ACSM3: variants seen among roughly 807,000 people sequenced by gnomAD.
ACSM3 encodes acyl-coenzyme A synthetase ACSM3, mitochondrial.
Under a neutral mutation model 74.1 loss-of-function variants are expected in ACSM3, and 61 were observed. The ratio of observed to expected loss-of-function variants is 0.82; its 90% CI spans 0.67 to 1.02. The LOEUF (loss-of-function observed/expected upper bound fraction) is 1.02. Ranked by LOEUF, ACSM3 falls within the 50% of genes least tolerant of loss-of-function variation. The probability of loss-of-function intolerance (pLI) is 0.00; values close to 1 mark genes in which losing one functional copy is unlikely to be tolerated. For missense variants in ACSM3, 660 were observed against 697.0 expected (o/e 0.95, Z 0.60); for synonymous variants, 213 against 241.5 (o/e 0.88, Z 1.09).
chr16:20,726,235 T>C (rs538309950), intron 1 of ACSM3, among the ~76,000 whole-genome samples: 7 of 152,342 alleles, frequency 4.6e-5, no homozygotes, highest in African/African-American at 1.7e-4. Flanking sequence ...AAAGTTTGAC[T>C]TGAAGGTTAT....
chr16:20,769,433 A>G (rs2080164538), intron 1 of ACSM3, among the ~76,000 whole-genome samples: 1 of 152,244 alleles, frequency 6.6e-6, no homozygotes, highest in African/African-American at 2.4e-5. Context: ...GGGAACTGCA[A>G]CCTATCAACT....
At chr16:20,692,049 C>T (rs896697003) in intron 1 of ACSM3, among the ~76,000 whole-genome samples, 6 of 152,114 alleles carry the variant, frequency 3.9e-5, no homozygotes, top group Non-Finnish European at 2.9e-5. Context: ...TTCTGTAAGC[C>T]AAAAGATTCT....
At chr16:20,774,954 C>CA (rs975393843) in intron 2 of ACSM3, among the ~76,000 whole-genome samples, 1 of 152,242 alleles carries the variant, frequency 6.6e-6, no homozygotes, top group African/African-American at 2.4e-5. Context: ...TTCATGGCAG[C>CA]AGGCTCAGGA....
chr16:20,786,123 T>C lies in ACSM3; in HGVS notation c.1189T>C (p.Ser397Pro), dbSNP rs1257037480. Residue 397 changes from serine to proline, a missense_variant, in exon 9 of 14, where the codon TCA becomes CCA. By Grantham distance (74) the Ser-to-Pro change is moderately conservative (BLOSUM62 -1). Transcript: ENST00000289416. The part of the protein sequence containing the change: ...NFKGMKIKPG[S>P]MGKPSPAFDV... ...TAAGGGAATGAAAATTAAACCTGGC[T>C]CAATGGGAAAACCTTCTCCTGCTTT... 6.2e-7 allele frequency: 1 copy of C among 1,605,264 alleles called. No individual in the cohort carries two copies. Among genetic ancestry groups the C allele is most frequent in the Non-Finnish European group, 8.5e-7 (1 of 1,176,896 alleles).
intron 1 of ACSM3, chr16:20,737,121 G>C: frequency 6.2e-7 from 1 of 1,614,088 alleles, no homozygotes; most frequent in Non-Finnish European, 8.5e-7. Flanking sequence ...AAGCTGTGAC[G>C]GATCCTTAGG....
intron 2 of ACSM3, among the ~76,000 whole-genome samples, chr16:20,771,304 G>A (rs535080526): frequency 6.5e-4 from 96 of 148,492 alleles, no homozygotes; most frequent in African/African-American, 2.2e-3. Flanking sequence ...CAAGTGATCC[G>A]CCCACCTTGG....
intron 1 of ACSM3, chr16:20,737,213 G>A (rs1224266578): frequency 6.2e-7 from 1 of 1,614,164 alleles, no homozygotes. Context: ...CAGCTTTGAT[G>A]ATTTCTACTA....
chr16:20,739,926 CAGAG>C (rs1053507706), intron 1 of ACSM3, among the ~76,000 whole-genome samples: 6 of 152,012 alleles, frequency 3.9e-5, no homozygotes, highest in Admixed American at 2.0e-4. Context: ...CAGTTTGAGG[CAGAG>C]AGAAACGTGC....
At chr16:20,796,298 C>T in intron 12 of ACSM3, 72 bp from the exon 13 acceptor site, 1 of 1,561,540 alleles carries the variant, frequency 6.4e-7, no homozygotes, top group Non-Finnish European at 8.6e-7. Context: ...ATTCTCAGAG[C>T]AAGCAAACAA....
chr16:20,765,563 CCAAT>C (rs2080116926), intron 1 of ACSM3, among the ~76,000 whole-genome samples: 1 of 152,130 alleles, frequency 6.6e-6, no homozygotes, highest in South Asian at 2.1e-4. Context: ...ATATTTATCT[CCAAT>C]CATATTAATA....
rs1018083261 is a variant in ACSM3, at chr16:20,790,540, A to T, written c.1225-47A>T. The T allele has an allele frequency of 5.8e-6, 9 of 1,541,428 alleles. No homozygotes were observed. The highest frequency in any genetic ancestry group is 4.1e-5 in the African/African-American group (3 of 72,892). On this transcript the variant is annotated intron_variant, in intron 9 of 13. Coordinates refer to ENST00000289416, the MANE Select transcript of ACSM3 (RefSeq NM_005622.4). The surrounding 1 kb of genome is among the most constrained non-coding windows in gnomAD (Gnocchi z 4.0). The stretch of plus-strand genomic sequence containing the variant: ...TTGCAAAGTTAATATTTAAGCTGCG[A>T]CATTAAACAAAAATTTCCTTAAATA...
intron 1 of ACSM3, chr16:20,741,496 C>A: frequency 2.2e-6 from 3 of 1,365,370 alleles, no homozygotes; most frequent in East Asian, 3.2e-5. Context: ...CCCGCCCACC[C>A]CGGGACCGGT....
At chr16:20,682,364 A>G (rs2079464288) in intron 1 of ACSM3, 2 of 1,614,092 alleles carry the variant, frequency 1.2e-6, no homozygotes, top group Admixed American at 3.3e-5. Context: ...CTCTGAGGCA[A>G]GGGCATCTAT....
intron 1 of ACSM3, among the ~76,000 whole-genome samples, chr16:20,724,008 T>G (rs1438247164): frequency 6.6e-6 from 1 of 152,198 alleles, no homozygotes; most frequent in Non-Finnish European, 1.5e-5. Flanking sequence ...GCTTTTATGG[T>G]TTTAGGTCTA....
At chr16:20,793,693 G>C (rs1420622836) in intron 12 of ACSM3, among the ~76,000 whole-genome samples, 1 of 152,210 alleles carries the variant, frequency 6.6e-6, no homozygotes, top group African/African-American at 2.4e-5. Flanking sequence ...GCTATTTACT[G>C]TGAAAGGGTA....
At chr16:20,786,273 A>G in intron 9 of ACSM3, 115 bp downstream of exon 9, 2 of 1,449,302 alleles carry the variant, frequency 1.4e-6, no homozygotes, top group East Asian at 5.2e-5. Context: ...TTTTACTTCC[A>G]TGATACTTTA....
At chr16:20,698,408 G>A (rs1310586183) in intron 1 of ACSM3, among the ~76,000 whole-genome samples, 2 of 152,012 alleles carry the variant, frequency 1.3e-5, no homozygotes, top group Non-Finnish European at 2.9e-5. Flanking sequence ...GGGCTCTGGA[G>A]GTCTGGAGGC....
chr16:20,741,817 G>A lies in ACSM3; in HGVS notation c.-189-8093G>A, dbSNP rs549447999. 170 of 1,542,182 alleles carry A rather than the reference G, an allele frequency of 1.1e-4. 1 individual carries two copies. In the East Asian group the frequency reaches 2.3e-3, roughly 21 times the overall value. ...CCTCGTCTATCGCCGGCGCGAACTGGTGACGTCGGATATGAGCGACGGCCT... is the reference window on the plus strand; with the variant it reads ...CCTCGTCTATCGCCGGCGCGAACTGATGACGTCGGATATGAGCGACGGCCT... On this transcript the variant is annotated intron_variant, in intron 1 of 3. Transcript: ENST00000561584.
At chr16:20,682,490 T>C (rs776150427) in intron 1 of ACSM3, 7 of 1,592,692 alleles carry the variant, frequency 4.4e-6, no homozygotes, top group South Asian at 1.1e-5. Context: ...AACTGATTGT[T>C]TTGGTTTCTT....
Sources: gnomAD v4.1 joint callset for allele counts (sites outside exome capture counted in the v4.1 genomes callset) on GRCh38, gnomAD v4.1.1 for gene constraint, Gnocchi (gnomAD v3.1) non-coding constraint, MANE v1.5 for transcripts, NCBI Gene and HGNC (gene_info 2026-07-23, HGNC 2026-07-21) for gene names.